The following QTRT2 variants were observed in gnomAD, a reference collection of about 807,000 sequenced individuals.
The protein encoded by QTRT2 is queuine tRNA-ribosyltransferase domain containing 1.
In QTRT2, 32 loss-of-function variants were observed where a neutral mutation model predicts 44.8. The ratio of observed to expected loss-of-function variants is 0.71; its 90% CI spans 0.54 to 0.96. The LOEUF (loss-of-function observed/expected upper bound fraction) is 0.96, where lower values mean the gene tolerates loss of function less well. Ranked by LOEUF, QTRT2 falls within the 40% of genes least tolerant of loss-of-function variation. The probability of loss-of-function intolerance (pLI) is 0.00; values close to 1 mark genes in which losing one functional copy is unlikely to be tolerated. For missense variants in QTRT2, 461 were observed against 503.1 expected (o/e 0.92, Z 0.80); for synonymous variants, 182 against 187.4 (o/e 0.97, Z 0.24).
chr3:114,059,617 T>TTA (rs1553756833), intron 2 of QTRT2, among the ~76,000 whole-genome samples: 4 of 151,956 alleles, frequency 2.6e-5, no homozygotes, highest in Non-Finnish European at 5.9e-5. Context: ...TCCATTTTTT[T>TTA]AAAAAAAATA....
chr3:114,083,627 C>T (rs1341102977), intron 9 of QTRT2, among the ~76,000 whole-genome samples: 3 of 151,982 alleles, frequency 2.0e-5, no homozygotes, highest in Non-Finnish European at 2.9e-5. Context: ...TTTTGTCTTA[C>T]GTAAAAGAAG....
At chr3:114,074,107 G>C (rs1365358425) in intron 6 of QTRT2, among the ~76,000 whole-genome samples, 1 of 152,224 alleles carries the variant, frequency 6.6e-6, no homozygotes, top group Admixed American at 6.5e-5. Flanking sequence ...GTGGAATCAG[G>C]AGTAGAGAGT....
chr3:114,066,391 A>C (rs2076954406), intron 4 of QTRT2, 108 bp downstream of exon 4: 1 of 676,006 alleles, frequency 1.5e-6, no homozygotes, highest in Admixed American at 2.5e-5. Flanking sequence ...TCATAAATTT[A>C]ATAAGTATTA....
At chr3:114,075,255 G>A (rs932550566) in intron 6 of QTRT2, among the ~76,000 whole-genome samples, 2 of 152,072 alleles carry the variant, frequency 1.3e-5, no homozygotes, top group Non-Finnish European at 2.9e-5. Context: ...ATGGTATCTC[G>A]TTGTTTCCAA....
chr3:114,080,556 C>T (rs1317130677), intron 8 of QTRT2, among the ~76,000 whole-genome samples: 1 of 152,026 alleles, frequency 6.6e-6, no homozygotes, highest in African/African-American at 2.4e-5. Flanking sequence ...TGAAGGACTG[C>T]CATTTTCTTT....
chr3:114,060,541 TAGA>T (rs1559946218), intron 2 of QTRT2, among the ~76,000 whole-genome samples: 4 of 144,610 alleles, frequency 2.8e-5, no homozygotes, highest in African/African-American at 8.1e-5. Context: ...GATAGATAGA[TAGA>T]TAAGATAGAT....
chr3:114,076,588 G>A (rs1334129043), intron 6 of QTRT2, among the ~76,000 whole-genome samples, 155 bp from the exon 7 acceptor site: 1 of 152,220 alleles, frequency 6.6e-6, no homozygotes, highest in Non-Finnish European at 1.5e-5. Context: ...AGCCTTAAAG[G>A]TTCTTAGGGA....
chr3:114,068,365 T>G (rs2076981889), intron 5 of QTRT2: 1 of 291,750 alleles, frequency 3.4e-6, no homozygotes, highest in Admixed American at 4.2e-5. Flanking sequence ...ACGATAGTCT[T>G]TCGGCGCCAT....
chr3:114,085,356 C>T (rs906440859), intron 9 of QTRT2, among the ~76,000 whole-genome samples: 14 of 152,044 alleles, frequency 9.2e-5, no homozygotes, highest in African/African-American at 2.7e-4. Context: ...TACAGGCACG[C>T]GCCACCATGC....
Position 114,068,022 on chromosome 3 carries a change from G to C in QTRT2, c.292G>C (p.Asp98His), listed in dbSNP as rs1369968574. The change falls in exon 5 of 10, where the codon GAT becomes CAT. Residue 98 changes from aspartate to histidine, a missense_variant. Physicochemically the swap from Asp to His is moderately conservative, Grantham distance 81 (BLOSUM62 -1). Transcript: ENST00000281273. ...ATCACTCTTGTACTGCTCCCTGCAC[G>C]ATCCAGTCAGCCCCTGCCCGGCTGG... ...PESLLYCSLH[D>H]PVSPCPAGYV... 2 of 1,613,730 alleles carry C rather than the reference G, an allele frequency of 1.2e-6. No homozygotes were observed. The highest frequency in any genetic ancestry group is 1.3e-5 in the African/African-American group (1 of 74,888).
Position 114,079,925 on chromosome 3 carries a change from C to T in QTRT2, c.766C>T (p.Arg256Trp), listed in dbSNP as rs765394104. 110 of 1,613,282 alleles carry T rather than the reference C, an allele frequency of 6.8e-5. No homozygotes were observed. In the East Asian group the frequency reaches 1.0e-3, roughly 15 times the overall value. ...DKPRLISGVS[R>W]PDEVLECIER... is the part of the protein sequence containing the mutation. ...TTACAGGCTCATATCTGGTGTTAGTCGGCCAGATGAGGTGCTCGAGTGTAT... is the reference window on the plus strand; with the variant it reads ...TTACAGGCTCATATCTGGTGTTAGTTGGCCAGATGAGGTGCTCGAGTGTAT... Residue 256 changes from arginine (R) to tryptophan (W), a missense_variant, in exon 8 of 10, where the codon CGG becomes TGG. Arg to Trp is a moderately radical substitution (Grantham distance 101). Transcript: ENST00000281273.
At chr3:114,069,283 A>C (rs1316518405) in intron 5 of QTRT2, among the ~76,000 whole-genome samples, 1 of 151,796 alleles carries the variant, frequency 6.6e-6, no homozygotes, top group Non-Finnish European at 1.5e-5. Context: ...ACGTGTAAAC[A>C]TTGTTACATA....
intron 2 of QTRT2, among the ~76,000 whole-genome samples, chr3:114,060,554 T>TAAGA (rs1559946256): frequency 9.9e-5 from 15 of 150,836 alleles, no homozygotes; most frequent in African/African-American, 3.4e-4. Flanking sequence ...ATAAGATAGA[T>TAAGA]TAGATAGATA....
At chr3:114,064,933 A>G (rs2076932520) in intron 2 of QTRT2, among the ~76,000 whole-genome samples, 1 of 152,162 alleles carries the variant, frequency 6.6e-6, no homozygotes, top group Admixed American at 6.5e-5. Context: ...CATTCTTTCC[A>G]TGATTAGTCT....
chr3:114,075,586 G>A (rs986708469), intron 6 of QTRT2, among the ~76,000 whole-genome samples: 15 of 146,100 alleles, frequency 1.0e-4, no homozygotes, highest in African/African-American at 3.3e-4. Context: ...TCCACTCAGC[G>A]CAGCCTCCTC....
chr3:114,082,699 A>G lies in QTRT2; in HGVS notation c.921A>G (p.Gln307=). ...EETLLQQNGT[Q]EEIKCMDQIK... ...CAGTACTACAACAAAATGGAACACA[A>G]GAAGAAATAAAATGTATGGATCAAA... The change falls in exon 9 of 10, where the codon CAA becomes CAG. Residue 307 remains glutamine (Q), a synonymous_variant. Coordinates refer to ENST00000281273, the MANE Select transcript of QTRT2 (RefSeq NM_024638.4). 6.7e-7 allele frequency: 1 copy of G among 1,491,086 alleles called. No homozygotes were observed. The highest frequency in any genetic ancestry group is 9.2e-7 in the Non-Finnish European group (1 of 1,089,974). 92.4% of individuals were successfully genotyped at this position (1,491,086 alleles called of 1,614,324 possible). A position where few individuals can be genotyped will look rare whatever the true frequency, so the allele number is the denominator to read the frequency against.
chr3:114,068,005 T>C lies in QTRT2; in HGVS notation c.275T>C (p.Leu92Ser). The C allele has an allele frequency of 4.3e-6, 7 of 1,613,798 alleles. No homozygotes were observed. Among genetic ancestry groups the C allele is most frequent in the Admixed American group, 1.7e-5 (1 of 60,004 alleles). ...TATACAGGCATGCCAGAATCACTCT[T>C]GTACTGCTCCCTGCACGATCCAGTC... ...GKFIGMPESLLYCSLHDPVSP... is the reference protein window; with the variant it reads ...GKFIGMPESLSYCSLHDPVSP... Residue 92 changes from leucine (L) to serine (S), a missense_variant, in exon 5 of 10, where the codon TTG becomes TCG. By Grantham distance (145) the Leu-to-Ser change is moderately radical. Coordinates refer to ENST00000281273, the MANE Select transcript of QTRT2 (RefSeq NM_024638.4).
chr3:114,066,905 A>G (rs1307813375), intron 4 of QTRT2, among the ~76,000 whole-genome samples: 1 of 152,202 alleles, frequency 6.6e-6, no homozygotes, highest in Non-Finnish European at 1.5e-5. Flanking sequence ...GTATTCTGAT[A>G]TGTTAATATT....
intron 9 of QTRT2, among the ~76,000 whole-genome samples, chr3:114,085,449 G>A (rs560051248): frequency 9.2e-5 from 14 of 152,206 alleles, no homozygotes; most frequent in African/African-American, 2.4e-4. Flanking sequence ...CTCGTGATCC[G>A]CCTGCCCCGG....
Sources: allele counts gnomAD v4.1 joint callset (sites outside exome capture counted in the v4.1 genomes callset), GRCh38; gene constraint gnomAD v4.1.1; transcripts MANE v1.5; gene names NCBI Gene and HGNC (gene_info 2026-07-23, HGNC 2026-07-21).